Variants in DMD observed in about 807,000 individuals in gnomAD.
The protein encoded by DMD is dystrophin, also known as mutant dystrophin.
DMD carries 63 observed loss-of-function variants against 330.1 expected under a neutral mutation model. That is an observed-to-expected ratio of 0.19 (90% CI 0.16 to 0.24). DMD has a LOEUF of 0.24. Ranked by LOEUF, DMD falls within the 10% of genes least tolerant of loss-of-function variation. The pLI, the probability that DMD is intolerant of heterozygous loss-of-function variation, is 1.00. For synonymous variants in DMD, 1,223 were observed against 959.8 expected (o/e 1.27, Z -5.07); for missense variants, 3,344 against 2,684.1 (o/e 1.25, Z -5.43).
At chrX:32,046,596 T>G (rs2096065882) in intron 44 of DMD, among the ~76,000 whole-genome samples, 1 of 112,076 alleles carries the variant, frequency 8.9e-6, no homozygotes. Flanking sequence ...TGCTCTCATT[T>G]TAGTTACATT....
chrX:31,171,292 GATTA>G (rs1310679636), intron 73 of DMD, among the ~76,000 whole-genome samples: 4 of 111,708 alleles, frequency 3.6e-5, no homozygotes, highest in Non-Finnish European at 7.5e-5. Flanking sequence ...TACCAGATGA[GATTA>G]TTTATTCTCA....
In DMD at chrX:32,849,292, G is replaced by C. The variant is rs1338869680; in HGVS notation, c.186+436C>G. On this transcript the variant is annotated intron_variant, in intron 3 of 78. Transcript: ENST00000357033. ...GAAGTTAGACAAGATAATAGTTCAA[G>C]AGGAAGTGATATTTTCATCACATAT... Among the ~76,000 whole-genome samples the C allele has an allele frequency of 2.7e-5, 3 of 111,567 alleles. No individual in the cohort carries two copies. The Admixed American group carries it at 2.9e-4, about 11-fold the overall frequency.
rs759446184 is a variant in DMD, at chrX:32,879,011, AAAAAAAC to A, written c.94-29198_94-29192del. Among the ~76,000 whole-genome samples the A allele has an allele frequency of 5.2e-4, 55 of 105,123 alleles. 1 individual carries two copies. The highest frequency in any genetic ancestry group is 4.9e-3 in the Middle Eastern group (1 of 203). 91.3% of individuals were successfully genotyped at this position (105,123 alleles called of 115,157 possible). On this transcript the variant is annotated intron_variant, in intron 2 of 78. Transcript: ENST00000357033. ...CGACAGACCAAGACTACGTCTCAAA[AAAAAAAC>A]AAAAAACAAAAAACAAACAAAAAAA...
At chrX:31,231,336 CAT>C (rs1209340247) in intron 63 of DMD, among the ~76,000 whole-genome samples, 7 of 110,443 alleles carry the variant, frequency 6.3e-5, no homozygotes, top group East Asian at 5.5e-4. Flanking sequence ...ATATTTATAA[CAT>C]ATGTGTATTT....
chrX:31,887,645 G>T (rs1459917229), intron 47 of DMD, among the ~76,000 whole-genome samples: 11 of 112,006 alleles, frequency 9.8e-5, no homozygotes, highest in Non-Finnish European at 7.5e-5. Flanking sequence ...CCCTCTGGAA[G>T]GAAATAATGA....
rs778782916 is a variant in DMD at position 32,346,024 on chromosome X, T to C, written c.5505A>G (p.Gln1835=). ...GCTTTCTCTCATCTGTGATTCTTTG[T>C]TGTAAGTTGTCTCCTCTTTGCAACA... The part of the protein sequence containing the change: ...KELLQRGDNL[Q]QRITDERKRE... Residue 1835 remains glutamine, a synonymous_variant, in exon 39 of 79, where the codon CAA becomes CAG. Transcript: ENST00000357033. The C allele has an allele frequency of 1.2e-5, 14 of 1,209,926 alleles. No individual in the cohort carries two copies. Among genetic ancestry groups the C allele is most frequent in the African/African-American group, 1.7e-5 (1 of 57,778 alleles).
intron 12 of DMD, among the ~76,000 whole-genome samples, chrX:32,606,091 G>T (rs1462779952): frequency 9.1e-6 from 1 of 110,126 alleles, no homozygotes; most frequent in Admixed American, 9.7e-5. Flanking sequence ...ATTGACCATA[G>T]TTACTGTATG....
chrX:33,225,544 C>G (rs1401237383), intron 1 of DMD, among the ~76,000 whole-genome samples: 1 of 111,340 alleles, frequency 9.0e-6, no homozygotes, highest in African/African-American at 3.3e-5. Flanking sequence ...CTTGACATAA[C>G]TTTACACCTT....
At chrX:32,962,777 A>G (rs535301107) in intron 2 of DMD, among the ~76,000 whole-genome samples, 1 of 112,214 alleles carries the variant, frequency 8.9e-6, no homozygotes, top group African/African-American at 3.2e-5. Context: ...CTTGGAGGCA[A>G]TATTACTGCA....
chrX:31,291,047 T>A (rs2053650966), intron 62 of DMD, among the ~76,000 whole-genome samples: 1 of 112,460 alleles, frequency 8.9e-6, no homozygotes, highest in Non-Finnish European at 1.9e-5. Flanking sequence ...TAAACTTTTT[T>A]AATATGGTAA....
chrX:31,745,611 TA>T (rs1452939648), intron 51 of DMD, among the ~76,000 whole-genome samples: 2 of 112,163 alleles, frequency 1.8e-5, no homozygotes, highest in African/African-American at 6.5e-5. Flanking sequence ...AAGAAGAATA[TA>T]ATAACTCCAC....
chrX:31,387,612 C>T (rs1227744905), intron 60 of DMD, among the ~76,000 whole-genome samples: 3 of 111,630 alleles, frequency 2.7e-5, no homozygotes, highest in Non-Finnish European at 5.6e-5. Context: ...GTTGGCCAGG[C>T]TGGTCTTGAA....
intron 62 of DMD, among the ~76,000 whole-genome samples, chrX:31,304,989 AT>A (rs752842363): frequency 3.2e-4 from 36 of 110,880 alleles, no homozygotes; most frequent in Non-Finnish European, 6.1e-4. Flanking sequence ...TTGACAAGCA[AT>A]TTTTTTTTGT....
chrX:33,318,850 C>G lies in DMD; in HGVS notation c.7+20409G>C, dbSNP rs772625044. Reference sequence around the variant, plus strand: ...TCTTCTTAACATGCTCATGTTATATCCCACACAACAGTACTAATACATTAT... The same window carrying G: ...TCTTCTTAACATGCTCATGTTATATGCCACACAACAGTACTAATACATTAT... On this transcript the variant is annotated intron_variant, in intron 1 of 17. Transcript: ENST00000288447. Among the ~76,000 whole-genome samples, 15 of 111,074 alleles carry G rather than the reference C, an allele frequency of 1.4e-4. No individual in the cohort carries two copies. The Admixed American group carries it at 1.4e-3, about 11-fold the overall frequency.
intron 44 of DMD, among the ~76,000 whole-genome samples, chrX:32,181,626 G>C (rs1467301902): frequency 9.0e-6 from 1 of 111,503 alleles, no homozygotes; most frequent in African/African-American, 3.3e-5. Flanking sequence ...GACATATATG[G>C]AATATTGTAT....
intron 2 of DMD, among the ~76,000 whole-genome samples, chrX:32,957,041 T>C (rs1179250694): frequency 9.0e-6 from 1 of 111,662 alleles, no homozygotes; most frequent in Non-Finnish European, 1.9e-5. Flanking sequence ...AAATTATAAG[T>C]TGCTTTCTAG....
intron 32 of DMD, among the ~76,000 whole-genome samples, chrX:32,388,759 T>A (rs774409039): frequency 9.0e-6 from 1 of 110,665 alleles, no homozygotes; most frequent in South Asian, 3.9e-4. Context: ...CCCACTCTAA[T>A]GGCCGATAGT....
At chrX:32,254,882 C>G (rs2097292209) in intron 43 of DMD, among the ~76,000 whole-genome samples, 1 of 111,889 alleles carries the variant, frequency 8.9e-6, no homozygotes, top group Admixed American at 9.5e-5. Flanking sequence ...TAAGTGTATA[C>G]AGTTCAGTGG....
At chrX:32,750,015 A>G (rs1411977354) in intron 7 of DMD, among the ~76,000 whole-genome samples, 1 of 112,220 alleles carries the variant, frequency 8.9e-6, no homozygotes, top group Non-Finnish European at 1.9e-5. Context: ...TTTCCATTGG[A>G]TGAAAAAACA....
Sources: allele counts gnomAD v4.1 joint callset (sites outside exome capture counted in the v4.1 genomes callset), GRCh38; gene constraint gnomAD v4.1.1; transcripts MANE v1.5; gene names NCBI Gene and HGNC (gene_info 2026-07-23, HGNC 2026-07-21).